The following CNTNAP2 variants were observed in gnomAD, a reference collection of about 807,000 sequenced individuals.
CNTNAP2 encodes contactin associated protein 2, also known as contactin-associated protein-like 2.
Under a neutral mutation model 155.2 loss-of-function variants are expected in CNTNAP2, and 98 were observed. The observed-to-expected ratio is 0.63, with a 90% CI of 0.54 to 0.75. The LOEUF is 0.75. Among genes scored for constraint, CNTNAP2 ranks in the 30% least tolerant of loss-of-function variants. The pLI is 0.00. For synonymous variants in CNTNAP2, 651 were observed against 631.2 expected, an observed-to-expected ratio of 1.03 and a Z score of -0.47; for missense variants, 1,727 against 1,688.1, an observed-to-expected ratio of 1.02 and a Z score of -0.40.
At position 147,312,349 on chromosome 7, in the gene CNTNAP2, GT is replaced by G. The variant is rs1476228721; in HGVS notation, c.1498+12060del. On this transcript the variant is annotated intron_variant, in intron 9 of 23. Coordinates refer to ENST00000361727, the MANE Select transcript of CNTNAP2 (RefSeq NM_014141.6). Reference sequence around the variant, plus strand: ...ATATGTATACATGTGCCATGCTGGTGTGCTGCACCCATTAACTCGTCATTTA... The same window carrying G: ...ATATGTATACATGTGCCATGCTGGTGGCTGCACCCATTAACTCGTCATTTA... Among the ~76,000 whole-genome samples the G allele has an allele frequency of 4.0e-5, 6 of 151,348 alleles. No homozygotes were observed. In the South Asian group the frequency reaches 1.3e-3, roughly 32 times the overall value.
intron 1 of CNTNAP2, among the ~76,000 whole-genome samples, chr7:146,746,403 T>C (rs1170574288): frequency 2.0e-5 from 3 of 152,194 alleles, no homozygotes; most frequent in African/African-American, 7.2e-5. Context: ...GTTTTCATTT[T>C]TTGTGGCAAA....
chr7:146,422,505 C>A (rs1313733226), intron 1 of CNTNAP2, among the ~76,000 whole-genome samples: 2 of 150,964 alleles, frequency 1.3e-5, no homozygotes, highest in Non-Finnish European at 3.0e-5. Flanking sequence ...TTTTTTTTCC[C>A]ACTTGACATT....
At chr7:147,588,972 T>A (rs560656483) in intron 12 of CNTNAP2, among the ~76,000 whole-genome samples, 1 of 152,308 alleles carries the variant, frequency 6.6e-6, no homozygotes, top group Admixed American at 6.5e-5. Context: ...TGTTGATTAC[T>A]TCATGGAGAG....
At chr7:147,216,145 T>C (rs930976426) in intron 8 of CNTNAP2, among the ~76,000 whole-genome samples, 4 of 151,872 alleles carry the variant, frequency 2.6e-5, no homozygotes, top group Admixed American at 2.6e-4. Context: ...TTTTTTCATC[T>C]TCTTTATAGT....
intron 1 of CNTNAP2, among the ~76,000 whole-genome samples, chr7:146,745,320 C>T (rs901167923): frequency 6.6e-5 from 10 of 152,160 alleles, no homozygotes; most frequent in South Asian, 2.1e-4. Flanking sequence ...TTGATCCTCA[C>T]GATAACCCTA....
rs1368882518 is a variant in CNTNAP2, at chr7:147,261,935, G to T, written c.1349-38206G>T. 5.6e-4 allele frequency among the ~76,000 whole-genome samples: 85 copies of T among 152,244 alleles called. 1 individual carries two copies. Among genetic ancestry groups the T allele is most frequent in the Admixed American group, 5.6e-3 (85 of 15,302 alleles). On this transcript the variant is annotated intron_variant, in intron 8 of 23. Transcript: ENST00000361727. Reference sequence around the variant, plus strand: ...AATTAAGAATCATAATTAACTATAAGCTAGACATAAGTCAGGATTATAACA... The same window carrying T: ...AATTAAGAATCATAATTAACTATAATCTAGACATAAGTCAGGATTATAACA...
chr7:147,343,713 C>T (rs186459341), intron 9 of CNTNAP2, among the ~76,000 whole-genome samples: 3 of 152,204 alleles, frequency 2.0e-5, no homozygotes, highest in East Asian at 3.9e-4. Context: ...TCTCGATTCT[C>T]CCTTTTTTGG....
At chr7:147,317,915 T>C (rs1584869128) in intron 9 of CNTNAP2, among the ~76,000 whole-genome samples, 1 of 152,186 alleles carries the variant, frequency 6.6e-6, no homozygotes, top group African/African-American at 2.4e-5. Flanking sequence ...ACGGTTTGTC[T>C]CTTTCTTCTT....
intron 13 of CNTNAP2, among the ~76,000 whole-genome samples, chr7:147,802,594 C>T (rs1217236565): frequency 6.6e-6 from 1 of 152,130 alleles, no homozygotes; most frequent in Non-Finnish European, 1.5e-5. Context: ...GCCAACACAG[C>T]GAAACCCCGT....
At chr7:147,865,508 G>T (rs983884848) in intron 13 of CNTNAP2, among the ~76,000 whole-genome samples, 1 of 152,172 alleles carries the variant, frequency 6.6e-6, no homozygotes, top group South Asian at 2.1e-4. Context: ...AATGATACCA[G>T]CTCCTCTTTG....
At chr7:147,518,402 G>A (rs1799169040) in intron 11 of CNTNAP2, among the ~76,000 whole-genome samples, 1 of 152,134 alleles carries the variant, frequency 6.6e-6, no homozygotes, top group Non-Finnish European at 1.5e-5. Context: ...GAAGATGAAG[G>A]AGACAGGCAA....
intron 12 of CNTNAP2, among the ~76,000 whole-genome samples, chr7:147,604,565 C>T (rs2116866317): frequency 6.6e-6 from 1 of 152,308 alleles, no homozygotes; most frequent in East Asian, 1.9e-4. Context: ...GAGCCTGCTA[C>T]TTCTCTGCCC....
rs1490259396 is a variant in CNTNAP2, at chr7:146,126,380, T to C, written c.97+9407T>C. 5.9e-5 allele frequency among the ~76,000 whole-genome samples: 9 copies of C among 152,208 alleles called. No homozygotes were observed. The South Asian group carries it at 1.9e-3, about 32-fold the overall frequency. On this transcript the variant is annotated intron_variant, in intron 1 of 23. Transcript: ENST00000361727. ...ATTGGTAAAAAATAAAGAAATATAT[T>C]TGAAATAAAGAGAGGAATGCAGCTC... is the stretch of plus-strand genomic sequence containing the variant.
chr7:146,996,980 C>T (rs759069118), intron 3 of CNTNAP2, among the ~76,000 whole-genome samples: 11 of 152,198 alleles, frequency 7.2e-5, no homozygotes, highest in East Asian at 1.9e-4. Context: ...CTCTCTCTTG[C>T]CTGCTGCCAT....
intron 1 of CNTNAP2, among the ~76,000 whole-genome samples, chr7:146,278,537 T>G (rs1800200503): frequency 6.6e-6 from 1 of 152,200 alleles, no homozygotes; most frequent in South Asian, 2.1e-4. Flanking sequence ...GGTTTCTATT[T>G]AGTCCCTTTG....
intron 15 of CNTNAP2, among the ~76,000 whole-genome samples, chr7:148,008,262 C>T (rs1802014368): frequency 6.6e-6 from 1 of 151,830 alleles, no homozygotes; most frequent in African/African-American, 2.4e-5. Context: ...ATCCCAGCTA[C>T]TCGGGAAGCT....
intron 1 of CNTNAP2, among the ~76,000 whole-genome samples, chr7:146,496,147 G>A (rs555813311): frequency 2.6e-5 from 4 of 152,214 alleles, no homozygotes; most frequent in African/African-American, 7.2e-5. Flanking sequence ...CCCATGCGAC[G>A]TGAAGAAAAC....
chr7:147,838,913 G>A (rs1174039281), intron 13 of CNTNAP2, among the ~76,000 whole-genome samples: 3 of 152,024 alleles, frequency 2.0e-5, no homozygotes, highest in Non-Finnish European at 4.4e-5. Flanking sequence ...TCTCTAGAGG[G>A]ACAGAACTGA....
chr7:148,119,152 G>A (rs996742790), intron 16 of CNTNAP2, among the ~76,000 whole-genome samples: 4 of 152,074 alleles, frequency 2.6e-5, no homozygotes, highest in African/African-American at 7.2e-5. Flanking sequence ...GAGTCGGGGA[G>A]ATCAACCACA....
Sources: allele counts gnomAD v4.1 joint callset (sites outside exome capture counted in the v4.1 genomes callset), GRCh38; gene constraint gnomAD v4.1.1; transcripts MANE v1.5; gene names NCBI Gene and HGNC (gene_info 2026-07-23, HGNC 2026-07-21).